Variants in GPHN observed in about 807,000 individuals in gnomAD.
GPHN encodes gephyrin.
GPHN carries 17 observed loss-of-function variants against 95.5 expected under a neutral mutation model. That is an observed-to-expected ratio of 0.18 (90% CI 0.12 to 0.27). GPHN has a LOEUF of 0.27. GPHN is among the 10% of genes least tolerant of loss of function. The probability of loss-of-function intolerance (pLI) is 1.00; values close to 1 mark genes in which losing one functional copy is unlikely to be tolerated. For missense variants in GPHN, 660 were observed against 978.1 expected (o/e 0.67, Z 4.34); for synonymous variants, 320 against 322.5 (o/e 0.99, Z 0.08).
the GPHN span, among the ~76,000 whole-genome samples, chr14:67,281,058 C>T: frequency 1.1e-3 from 165 of 151,956 alleles, no homozygotes; most frequent in Non-Finnish European, 1.7e-3. Flanking sequence ...GCCACCACAC[C>T]TGGCTAATTT....
the GPHN span, among the ~76,000 whole-genome samples, chr14:67,191,675 A>T: frequency 6.6e-6 from 1 of 152,208 alleles, no homozygotes; most frequent in South Asian, 2.1e-4. Context: ...AGCCTTGATC[A>T]TCCTTGAAAC....
rs1163483546 is a variant in GPHN at position 67,089,133 on chromosome 14, CTTTTTTT to C, written c.1237+77_1237+83del. 1,598 of 200,086 alleles carry C rather than the reference CTTTTTTT, an allele frequency of 8.0e-3. 4 individuals carry two copies. Among genetic ancestry groups the C allele is most frequent in the Admixed American group, 9.2e-3 (78 of 8,502 alleles). The allele number at this position is 200,086 out of a possible 1,614,324, so 12.4% of individuals were successfully genotyped here. A position where few individuals can be genotyped will look rare whatever the true frequency, so the allele number is the denominator to read the frequency against. On this transcript the variant is annotated intron_variant, in intron 12 of 22. Transcript: ENST00000478722. ...GCACTGTATTTTTTTTTCTTTTTTT[CTTTTTTT>C]TTTTTTTTTTTTTTTTTTCAAATTT...
chr14:66,694,729 T>G (rs2153409967), intron 2 of GPHN, among the ~76,000 whole-genome samples: 1 of 152,298 alleles, frequency 6.6e-6, no homozygotes, highest in South Asian at 2.1e-4. Flanking sequence ...CATTAAAAAC[T>G]CTGCTCTACA....
chr14:66,753,987 A>T (rs547588571), intron 2 of GPHN, among the ~76,000 whole-genome samples: 8 of 152,186 alleles, frequency 5.3e-5, no homozygotes, highest in Non-Finnish European at 1.2e-4. Context: ...TTTTGTGTTT[A>T]GCTTTTTTCA....
At chr14:67,001,320 C>A (rs1173453779) in intron 9 of GPHN, among the ~76,000 whole-genome samples, 3 of 151,464 alleles carry the variant, frequency 2.0e-5, no homozygotes, top group African/African-American at 7.3e-5. Flanking sequence ...ATTAATTAGA[C>A]ATATAGCTAG....
At chr14:67,163,589 A>G (rs1279547837) in intron 19 of GPHN, among the ~76,000 whole-genome samples, 1 of 152,186 alleles carries the variant, frequency 6.6e-6, no homozygotes, top group Non-Finnish European at 1.5e-5. Flanking sequence ...ACTGTATTAC[A>G]GCAGAGTAGT....
chr14:67,524,311 C>T, the GPHN span, among the ~76,000 whole-genome samples: 60,491 of 151,874 alleles, frequency 0.4, 12,363 homozygotes, highest in African/African-American at 0.43. Context: ...CCCACTGGAC[C>T]CCAATCCCTG....
At chr14:67,571,931 G>A in the GPHN span, 36 of 1,582,492 alleles carry the variant, frequency 2.3e-5, no homozygotes, top group Non-Finnish European at 2.8e-5. Flanking sequence ...GGGGCAGGGT[G>A]CAGCAGCAAG....
chr14:66,735,296 A>G (rs897824897), intron 2 of GPHN, among the ~76,000 whole-genome samples: 3 of 152,118 alleles, frequency 2.0e-5, no homozygotes, highest in Non-Finnish European at 4.4e-5. Flanking sequence ...TGTACCTTTG[A>G]TGATGTCACA....
the GPHN span, among the ~76,000 whole-genome samples, chr14:67,478,157 C>T: frequency 6.6e-6 from 1 of 152,268 alleles, no homozygotes; most frequent in Non-Finnish European, 1.5e-5. Context: ...CTCCACTCCA[C>T]CTGTCTCTCA....
chr14:67,001,248 C>G (rs1178152770), intron 9 of GPHN, among the ~76,000 whole-genome samples: 3 of 151,530 alleles, frequency 2.0e-5, no homozygotes, highest in African/African-American at 7.2e-5. Context: ...CACAGATTAG[C>G]TTATCATCAT....
the GPHN span, chr14:67,336,864 G>A: frequency 4.6e-6 from 2 of 430,418 alleles, no homozygotes; most frequent in South Asian, 3.3e-5. Context: ...GCAGCAACCA[G>A]ATTTCCTAAA....
At chr14:67,354,246 CT>C in the GPHN span, among the ~76,000 whole-genome samples, 1 of 152,146 alleles carries the variant, frequency 6.6e-6, no homozygotes, top group African/African-American at 2.4e-5. Context: ...TAATCAATAT[CT>C]GGAATATTTA....
intron 5 of GPHN, among the ~76,000 whole-genome samples, chr14:66,898,668 A>G (rs1351504280): frequency 6.6e-6 from 1 of 151,828 alleles, no homozygotes; most frequent in Non-Finnish European, 1.5e-5. Flanking sequence ...GCATAGACAG[A>G]TTCCTCCCAC....
chr14:67,414,009 C>A, the GPHN span, among the ~76,000 whole-genome samples: 1 of 152,212 alleles, frequency 6.6e-6, no homozygotes, highest in Non-Finnish European at 1.5e-5. Flanking sequence ...TGAAACCTAG[C>A]TGGGCTGAAA....
intron 2 of GPHN, among the ~76,000 whole-genome samples, chr14:66,776,179 C>T (rs554977512): frequency 1.1e-4 from 16 of 152,098 alleles, no homozygotes; most frequent in African/African-American, 3.1e-4. Flanking sequence ...TGACAGAATA[C>T]GGCAGTAAAA....
At chr14:67,701,775 A>G in the GPHN span, 1 of 151,764 alleles carries the variant, frequency 6.6e-6, no homozygotes, top group African/African-American at 2.4e-5. Flanking sequence ...GTTTTGCCCT[A>G]CCCTTTCTCT....
the GPHN span, chr14:67,384,167 GAAT>G: frequency 5.9e-5 from 9 of 152,070 alleles, no homozygotes; most frequent in Non-Finnish European, 1.2e-4. Flanking sequence ...GTCCTTATTG[GAAT>G]AATAAGCTAC....
At chr14:67,360,392 T>G in the GPHN span, 1 of 395,608 alleles carries the variant, frequency 2.5e-6, no homozygotes, top group Non-Finnish European at 4.5e-6. Flanking sequence ...GGGAAGCAAG[T>G]CTGGTCTCTG....
Sources: gnomAD v4.1 joint callset for allele counts (sites outside exome capture counted in the v4.1 genomes callset) on GRCh38, gnomAD v4.1.1 for gene constraint, MANE v1.5 for transcripts, NCBI Gene and HGNC (gene_info 2026-07-23, HGNC 2026-07-21) for gene names.